Variants in RALYL observed in about 807,000 individuals in gnomAD.
The protein encoded by RALYL is RNA-binding Raly-like protein.
In RALYL, 29 loss-of-function variants were observed where a neutral mutation model predicts 35.1. The ratio of observed to expected loss-of-function variants is 0.83; its 90% CI spans 0.61 to 1.13. The LOEUF (loss-of-function observed/expected upper bound fraction) is 1.13, where lower values mean the gene tolerates loss of function less well. RALYL is among the 50% of genes most tolerant of loss of function. RALYL has a pLI of 0.00. For synonymous variants in RALYL, 120 were observed against 127.6 expected (o/e 0.94, Z 0.40); for missense variants, 359 against 360.4 (o/e 1.00, Z 0.03).
At chr8:84,378,744 CT>C (rs939207478) in intron 1 of RALYL, among the ~76,000 whole-genome samples, 6 of 150,930 alleles carry the variant, frequency 4.0e-5, no homozygotes, top group East Asian at 2.0e-4. Flanking sequence ...AGACACTTCA[CT>C]TTTTTTTTCA....
intron 7 of RALYL, among the ~76,000 whole-genome samples, chr8:84,881,676 T>G (rs1339810868): frequency 6.6e-6 from 1 of 151,974 alleles, no homozygotes; most frequent in Non-Finnish European, 1.5e-5. Flanking sequence ...ATTCTTTTCT[T>G]TCATGGTTTT....
intron 1 of RALYL, among the ~76,000 whole-genome samples, chr8:84,390,114 CT>C (rs1307680196): frequency 2.6e-5 from 4 of 152,034 alleles, no homozygotes; most frequent in African/African-American, 7.2e-5. Context: ...TGGTTTTTGT[CT>C]TTGGTTCTGT....
chr8:84,686,182 A>G (rs1050875297), intron 2 of RALYL, among the ~76,000 whole-genome samples: 8 of 152,172 alleles, frequency 5.3e-5, no homozygotes, highest in African/African-American at 1.9e-4. Context: ...ATTATAGCAA[A>G]ACTGACAATA....
intron 2 of RALYL, among the ~76,000 whole-genome samples, chr8:84,676,861 G>A (rs1476736609): frequency 6.6e-6 from 1 of 151,776 alleles, no homozygotes; most frequent in East Asian, 1.9e-4. Context: ...GGAATGCAGT[G>A]GCCTGATCTC....
At chr8:84,766,597 G>T (rs554785113) in intron 2 of RALYL, among the ~76,000 whole-genome samples, 1 of 149,950 alleles carries the variant, frequency 6.7e-6, no homozygotes, top group Non-Finnish European at 1.5e-5. Context: ...GGTGGCACAC[G>T]CCTGTAATCC....
chr8:84,455,655 A>G (rs2050052841), intron 1 of RALYL, among the ~76,000 whole-genome samples: 1 of 152,042 alleles, frequency 6.6e-6, no homozygotes, highest in Non-Finnish European at 1.5e-5. Flanking sequence ...TAATAATCAA[A>G]TGGGCAAAGC....
chr8:84,223,153 CTTTCT>C (rs1452025659), intron 1 of RALYL, among the ~76,000 whole-genome samples: 21 of 124,836 alleles, frequency 1.7e-4, no homozygotes, highest in African/African-American at 5.8e-4. Context: ...CTTTCCTTTC[CTTTCT>C]TTCCTTCCTC....
At chr8:84,272,061 G>A (rs1464078107) in intron 1 of RALYL, among the ~76,000 whole-genome samples, 2 of 151,942 alleles carry the variant, frequency 1.3e-5, no homozygotes, top group Non-Finnish European at 1.5e-5. Context: ...TAGGAAAAGT[G>A]TGTACATGTT....
At chr8:84,810,808 T>C (rs113013787) in intron 4 of RALYL, among the ~76,000 whole-genome samples, 25 of 152,272 alleles carry the variant, frequency 1.6e-4, no homozygotes, top group African/African-American at 5.3e-4. Flanking sequence ...AGAATAGTTA[T>C]CCCTGTTCAC....
rs1845532329 is a variant in RALYL, at chr8:84,900,678, T to TC, written c.858+12902_858+12903insC. On this transcript the variant is annotated intron_variant, in intron 8 of 8. Transcript: ENST00000521268. Reference sequence around the variant, plus strand: ...TGGGCAACAAGAGCGAAAGTTTGTCTTAAAAAAAAAAAAATTCTCCCTATC... The same window carrying TC: ...TGGGCAACAAGAGCGAAAGTTTGTCTCTAAAAAAAAAAAAATTCTCCCTATC... Among the ~76,000 whole-genome samples, 5 of 151,052 alleles carry TC rather than the reference T, an allele frequency of 3.3e-5. No homozygotes were observed. In the East Asian group the frequency reaches 9.7e-4, roughly 29 times the overall value.
intron 1 of RALYL, among the ~76,000 whole-genome samples, chr8:84,398,598 G>C (rs1177054929): frequency 6.6e-6 from 1 of 151,888 alleles, no homozygotes; most frequent in Non-Finnish European, 1.5e-5. Context: ...TCACACACCT[G>C]GAAAAATGAT....
rs192001875 is a variant in RALYL at position 84,191,114 on chromosome 8, A to G, written c.-24+6690A>G. ...AAATGAATGTGATTGATGATCCTCA[A>G]TATGATGTGGCAGCGTCATAAAGAG... On this transcript the variant is annotated intron_variant, in intron 1 of 8. Transcript: ENST00000521268. Among the ~76,000 whole-genome samples the G allele has an allele frequency of 2.6e-5, 4 of 151,860 alleles. No individual in the cohort carries two copies. In the East Asian group the frequency reaches 7.8e-4, roughly 30 times the overall value.
intron 1 of RALYL, among the ~76,000 whole-genome samples, chr8:84,522,376 A>T (rs2058527175): frequency 6.6e-6 from 1 of 150,826 alleles, no homozygotes; most frequent in South Asian, 2.1e-4. Context: ...CAGCCTCCCA[A>T]GTAGCTGGGA....
At chr8:84,382,079 T>C (rs1858100357) in intron 1 of RALYL, among the ~76,000 whole-genome samples, 1 of 151,660 alleles carries the variant, frequency 6.6e-6, no homozygotes, top group South Asian at 2.1e-4. Flanking sequence ...TTTGGTTTTC[T>C]ATTGCAGATG....
intron 8 of RALYL, among the ~76,000 whole-genome samples, chr8:84,916,960 TC>T (rs1386161422): frequency 6.6e-6 from 1 of 151,884 alleles, no homozygotes; most frequent in African/African-American, 2.4e-5. Context: ...ATTAAGTTCC[TC>T]CTTTTTCCTT....
chr8:84,894,431 C>T (rs985096435), intron 8 of RALYL, among the ~76,000 whole-genome samples: 1 of 152,156 alleles, frequency 6.6e-6, no homozygotes, highest in African/African-American at 2.4e-5. Context: ...CATTCAAAGA[C>T]CTTCATCTTG....
At chr8:84,680,147 A>T (rs1835105565) in intron 2 of RALYL, among the ~76,000 whole-genome samples, 1 of 152,082 alleles carries the variant, frequency 6.6e-6, no homozygotes, top group African/African-American at 2.4e-5. Flanking sequence ...GATGGTTTTC[A>T]GCTTCATCCA....
At chr8:84,410,485 T>C (rs2043990199) in intron 1 of RALYL, among the ~76,000 whole-genome samples, 1 of 151,936 alleles carries the variant, frequency 6.6e-6, no homozygotes, top group South Asian at 2.1e-4. Context: ...CTTTCATCAG[T>C]ATGTTATTTC....
At chr8:84,857,546 C>T (rs1837297214) in intron 5 of RALYL, among the ~76,000 whole-genome samples, 1 of 151,958 alleles carries the variant, frequency 6.6e-6, no homozygotes, top group Non-Finnish European at 1.5e-5. Context: ...TGTTTTAAAC[C>T]ACGTTTGTTG....
Sources: gnomAD v4.1 joint callset for allele counts (sites outside exome capture counted in the v4.1 genomes callset) on GRCh38, gnomAD v4.1.1 for gene constraint, MANE v1.5 for transcripts, NCBI Gene and HGNC (gene_info 2026-07-23, HGNC 2026-07-21) for gene names.